The following MBNL3 variants were observed in gnomAD, a reference collection of about 807,000 sequenced individuals.
MBNL3 encodes muscleblind-like protein 3.
A neutral mutation model predicts 24.5 loss-of-function variants in MBNL3; 6 were observed. That is an observed-to-expected ratio of 0.25 (90% CI 0.13 to 0.48). The LOEUF is 0.48. Among genes scored for constraint, MBNL3 ranks in the 20% least tolerant of loss-of-function variants. The pLI is 0.99. For synonymous variants in MBNL3, 100 were observed against 101.7 expected, an observed-to-expected ratio of 0.98 and a Z score of 0.10; for missense variants, 230 against 293.5, an observed-to-expected ratio of 0.78 and a Z score of 1.58.
intron 2 of MBNL3, chrX:132,437,912 A>G (rs1945199486): frequency 1.5e-6 from 1 of 673,716 alleles, no homozygotes; most frequent in Non-Finnish European, 1.8e-6. Context: ...TATCTTTACA[A>G]TAACAAGTTT....
intron 1 of MBNL3, among the ~76,000 whole-genome samples, chrX:132,465,396 C>A (rs1165874648): frequency 8.9e-6 from 1 of 112,324 alleles, no homozygotes; most frequent in Non-Finnish European, 1.9e-5. Flanking sequence ...GTTGTTGGCA[C>A]ACACAAGTAA....
chrX:132,389,304 C>G (rs1332277267), intron 5 of MBNL3, among the ~76,000 whole-genome samples: 1 of 111,522 alleles, frequency 9.0e-6, no homozygotes, highest in African/African-American at 3.3e-5. Context: ...TGGAGCCAGT[C>G]CAAAAATGGT....
At chrX:132,424,953 G>C (rs1234064565) in intron 2 of MBNL3, among the ~76,000 whole-genome samples, 1 of 111,281 alleles carries the variant, frequency 9.0e-6, no homozygotes, top group Non-Finnish European at 1.9e-5. Context: ...ACTAAAGTGA[G>C]GCCTCAAGAA....
At chrX:132,417,118 T>A (rs1240855076) in intron 2 of MBNL3, among the ~76,000 whole-genome samples, 1 of 111,640 alleles carries the variant, frequency 9.0e-6, no homozygotes, top group Non-Finnish European at 1.9e-5. Flanking sequence ...TTTCTCTCTC[T>A]CTCTCTTTCA....
chrX:132,481,904 G>A (rs1249602076), intron 1 of MBNL3, among the ~76,000 whole-genome samples: 2 of 111,930 alleles, frequency 1.8e-5, no homozygotes, highest in African/African-American at 6.5e-5. Flanking sequence ...GGCAACTTGC[G>A]AGTCAGTCAA....
chrX:132,427,567 A>G (rs760270802), intron 2 of MBNL3, among the ~76,000 whole-genome samples: 3 of 111,790 alleles, frequency 2.7e-5, no homozygotes, highest in Non-Finnish European at 3.8e-5. Flanking sequence ...ACTATCTTTC[A>G]CAAATGGGAA....
At chrX:132,444,897 G>C (rs2148454991) in intron 1 of MBNL3, among the ~76,000 whole-genome samples, 1 of 111,492 alleles carries the variant, frequency 9.0e-6, no homozygotes, top group East Asian at 2.9e-4. Flanking sequence ...TAATCTAATG[G>C]AAACAGTAAC....
rs1935077318 is a variant in MBNL3 at position 132,382,086 on chromosome X, A to G, written c.1053+92T>C. ...AATGTGACAATGGCTTAAGAAACAC[A>G]TAAGAATCTCACCAATCCAAAAAGC... On this transcript the variant is annotated intron_variant, in intron 8 of 8. Coordinates refer to ENST00000370853, the MANE Select transcript of MBNL3 (RefSeq NM_001386889.1). 3.9e-6 allele frequency: 3 copies of G among 771,229 alleles called. No individual in the cohort carries two copies. The South Asian group carries it at 1.0e-4, about 27-fold the overall frequency. The allele number at this position is 771,229 out of a possible 1,213,427, so 63.6% of individuals were successfully genotyped here. A position where few individuals can be genotyped will look rare whatever the true frequency, so the allele number is the denominator to read the frequency against.
At chrX:132,414,289 CTCTT>C in intron 2 of MBNL3, among the ~76,000 whole-genome samples, 1 of 112,428 alleles carries the variant, frequency 8.9e-6, no homozygotes, top group African/African-American at 3.2e-5. Context: ...AGAATGCAGA[CTCTT>C]TCATTGGAAT....
chrX:132,480,536 A>G (rs868303100), intron 1 of MBNL3, among the ~76,000 whole-genome samples: 2 of 111,836 alleles, frequency 1.8e-5, no homozygotes, highest in African/African-American at 6.5e-5. Flanking sequence ...CTCCCATCAA[A>G]GGCCCGATTT....
intron 1 of MBNL3, among the ~76,000 whole-genome samples, chrX:132,446,344 G>T (rs1055303805): frequency 1.8e-5 from 2 of 111,568 alleles, no homozygotes; most frequent in Admixed American, 9.5e-5. Flanking sequence ...TGGTATTTCT[G>T]GTTCTAGATC....
In MBNL3 at chrX:132,376,136, C is replaced by CTTG. The variant is rs1206202017; in HGVS notation, c.*3529_*3530insCAA. On this transcript the variant is annotated 3_prime_UTR_variant, in exon 9 of 9. Coordinates refer to ENST00000370853, the MANE Select transcript of MBNL3 (RefSeq NM_001386889.1). ...AACACCACCTAGTGGTATAGGACAACACTTATGGCAAGATCAAAGTGCTTC... is the reference window on the plus strand; with the variant it reads ...AACACCACCTAGTGGTATAGGACAACTTGACTTATGGCAAGATCAAAGTGCTTC... 1 of 110,888 alleles carries CTTG rather than the reference C, an allele frequency of 9.0e-6. No homozygotes were observed. Among genetic ancestry groups the CTTG allele is most frequent in the Admixed American group, 9.6e-5 (1 of 10,398 alleles). The allele number at this position is 110,888 out of a possible 1,213,427, so 9.1% of individuals were successfully genotyped here.
intron 8 of MBNL3, among the ~76,000 whole-genome samples, chrX:132,379,924 C>G (rs1429059241): frequency 3.6e-5 from 4 of 112,325 alleles, no homozygotes; most frequent in African/African-American, 1.3e-4. Context: ...GAGATGCAAT[C>G]CAATGTTTAA....
chrX:132,390,368 C>G (rs756275850), intron 5 of MBNL3, among the ~76,000 whole-genome samples: 15 of 108,904 alleles, frequency 1.4e-4, no homozygotes, highest in African/African-American at 4.7e-4. Flanking sequence ...TGATACTATG[C>G]CTCTAGAGAG....
In MBNL3 at chrX:132,381,448, A is replaced by T. The variant is rs185238400; in HGVS notation, c.1053+730T>A. 4.9e-5 allele frequency: 49 copies of T among 998,684 alleles called. No individual in the cohort carries two copies. The African/African-American group carries it at 9.1e-4, about 19-fold the overall frequency. 82.3% of individuals were successfully genotyped at this position (998,684 alleles called of 1,213,427 possible). A position where few individuals can be genotyped will look rare whatever the true frequency, so the allele number is the denominator to read the frequency against. On this transcript the variant is annotated intron_variant, in intron 8 of 8. Transcript: ENST00000370853. ...ATTGGGGTATCTATAGTAGTAAAAA[A>T]GATTTTAGATTAAAATAGTTTCTTG...
chrX:132,444,975 T>C (rs1213854741), intron 1 of MBNL3, among the ~76,000 whole-genome samples: 1 of 111,642 alleles, frequency 9.0e-6, no homozygotes, highest in African/African-American at 3.3e-5. Context: ...TATACTTTCC[T>C]TGTCTCCTAC....
chrX:132,388,651 T>C (rs1936550466), intron 5 of MBNL3, among the ~76,000 whole-genome samples: 1 of 111,704 alleles, frequency 9.0e-6, no homozygotes, highest in Non-Finnish European at 1.9e-5. Context: ...CCAGTTCCAA[T>C]TGGGTGGTGA....
chrX:132,463,253 G>A (rs1459698984), intron 1 of MBNL3, among the ~76,000 whole-genome samples: 3 of 111,974 alleles, frequency 2.7e-5, no homozygotes, highest in Non-Finnish European at 5.6e-5. Context: ...CCTGAGGTCA[G>A]GAGTTCAAGA....
intron 2 of MBNL3, chrX:132,431,865 G>A (rs184216497): frequency 9.0e-6 from 1 of 111,145 alleles, no homozygotes; most frequent in East Asian, 2.8e-4. Context: ...TTTTTCCTCT[G>A]ATAGTGAGAA....
Sources: allele counts gnomAD v4.1 joint callset (sites outside exome capture counted in the v4.1 genomes callset), GRCh38; gene constraint gnomAD v4.1.1; transcripts MANE v1.5; gene names NCBI Gene and HGNC (gene_info 2026-07-23, HGNC 2026-07-21).